FASTKD5: variants seen among roughly 807,000 people sequenced by gnomAD.
FASTKD5 encodes the protein FAST kinase domains 5.
Under a neutral mutation model 44.0 loss-of-function variants are expected in FASTKD5, and 30 were observed. The observed-to-expected ratio is 0.68, with a 90% CI of 0.51 to 0.93. The LOEUF is 0.93. Ranked by LOEUF, FASTKD5 falls within the 40% of genes least tolerant of loss-of-function variation. The pLI is 0.00. For synonymous variants in FASTKD5, 335 were observed against 342.2 expected (o/e 0.98, Z 0.23); for missense variants, 868 against 908.2 (o/e 0.96, Z 0.57).
Position 3,149,613 on chromosome 20 carries a change from A to G in FASTKD5, c.-190-353T>C, listed in dbSNP as rs1248358885. Among the ~76,000 whole-genome samples, 1 of 152,220 alleles carries G rather than the reference A, an allele frequency of 6.6e-6. No homozygotes were observed. Among genetic ancestry groups the G allele is most frequent in the African/African-American group, 2.4e-5 (1 of 41,444 alleles). Reference sequence around the variant, plus strand: ...AGAAAGAAGGCTGGGAACAAAAGTGAGCAACTCCTTCCATCTCTTTGATAT... The same window carrying G: ...AGAAAGAAGGCTGGGAACAAAAGTGGGCAACTCCTTCCATCTCTTTGATAT... On this transcript the variant is annotated intron_variant, in intron 1 of 1. Coordinates refer to ENST00000380266, the MANE Select transcript of FASTKD5 (RefSeq NM_021826.5). This position sits in a 1 kb window ranked among gnomAD's most constrained non-coding sequence, Gnocchi z 4.1.
intron 1 of FASTKD5, chr20:3,150,838 C>CA (rs1236508011): frequency 1.3e-5 from 2 of 152,342 alleles, no homozygotes; most frequent in East Asian, 3.9e-4. Flanking sequence ...AGAATTCTCT[C>CA]ACATTAAATT....
At chr20:3,157,236 G>A (rs764542407) in intron 1 of FASTKD5, among the ~76,000 whole-genome samples, 7 of 152,144 alleles carry the variant, frequency 4.6e-5, no homozygotes, top group Non-Finnish European at 7.3e-5. Flanking sequence ...ATGTTAACTG[G>A]GCTAGACTCT....
At chr20:3,150,669 C>T (rs1319166429) in intron 1 of FASTKD5, 1 of 152,200 alleles carries the variant, frequency 6.6e-6, no homozygotes, top group African/African-American at 2.4e-5. Flanking sequence ...GCCTGCCTAA[C>T]TCTGCTGTCA....
chr20:3,154,400 G>A (rs1466784026), intron 1 of FASTKD5, among the ~76,000 whole-genome samples: 1 of 152,222 alleles, frequency 6.6e-6, no homozygotes, highest in African/African-American at 2.4e-5. Context: ...TGTTACCACA[G>A]GCAGGATGCA....
At chr20:3,159,008 C>G (rs2066718508) in intron 1 of FASTKD5, among the ~76,000 whole-genome samples, 3 of 152,154 alleles carry the variant, frequency 2.0e-5, no homozygotes, top group Admixed American at 6.5e-5. Context: ...AAGCACTGTC[C>G]AAGGGTCTGA....
chr20:3,153,205 G>A (rs565315138), intron 1 of FASTKD5, among the ~76,000 whole-genome samples: 4 of 152,154 alleles, frequency 2.6e-5, no homozygotes, highest in South Asian at 4.2e-4. Context: ...ATTACTATAC[G>A]TGGTCTGGAA....
At position 3,148,246 on chromosome 20, in the gene FASTKD5, A is replaced by T. The variant is rs747564436; in HGVS notation, c.825T>A (p.Asp275Glu). 2 of 1,613,394 alleles carry T rather than the reference A, an allele frequency of 1.2e-6. No homozygotes were observed. The highest frequency in any genetic ancestry group is 3.3e-5 in the Admixed American group (2 of 59,858). ...AGTGAACTAGCTGAGACAAGGATAG[A>T]TCCTTCCAGTGCAAATTAAGATAAC... ...FSSYLNLHWK[D>E]LSLSQLVHLI... Residue 275 changes from aspartate to glutamate, a missense_variant, in exon 2 of 2, where the codon GAT becomes GAA. Asp to Glu is a conservative substitution (Grantham distance 45, BLOSUM62 2). Coordinates refer to ENST00000380266, the MANE Select transcript of FASTKD5 (RefSeq NM_021826.5).
intron 1 of FASTKD5, chr20:3,151,893 T>A (rs1330437280): frequency 6.6e-6 from 1 of 150,444 alleles, no homozygotes; most frequent in Non-Finnish European, 1.5e-5. Context: ...TCACTTGAGG[T>A]CAGGAGTTCG....
chr20:3,150,295 G>A (rs972936547), intron 1 of FASTKD5, among the ~76,000 whole-genome samples: 2 of 152,098 alleles, frequency 1.3e-5, no homozygotes, highest in South Asian at 2.1e-4. Context: ...GTCACTTCAC[G>A]GGTGGGAAGC....
At chr20:3,159,378 C>T (rs564790614) in intron 1 of FASTKD5, among the ~76,000 whole-genome samples, 1 of 152,310 alleles carries the variant, frequency 6.6e-6, no homozygotes, top group Admixed American at 6.5e-5. Context: ...CAGAACCCAC[C>T]CCAGTCCTAC....
At position 3,147,389 on chromosome 20, in the gene FASTKD5, T is replaced by G. The variant is rs373583413; in HGVS notation, c.1682A>C (p.Glu561Ala). Residue 561 changes from glutamate to alanine, a missense_variant, in exon 2 of 2, where the codon GAA (glutamate) becomes GCA (alanine). Transcript: ENST00000380266. ...CATGGTCTCCAGTAAAAAGACAGTT[T>G]CTAAGAATTCAGGCTTTGAATTCAT... ...KDMNSKPEFLETVFLLETMLG... is the reference protein window; with the variant it reads ...KDMNSKPEFLATVFLLETMLG... The G allele has an allele frequency of 9.3e-6, 15 of 1,614,110 alleles. No individual in the cohort carries two copies.
intron 1 of FASTKD5, among the ~76,000 whole-genome samples, chr20:3,159,055 G>C (rs528457014): frequency 1.3e-5 from 2 of 152,310 alleles, no homozygotes; most frequent in East Asian, 3.9e-4. Context: ...GAACACAGCT[G>C]ATATGAGGGG....
At position 3,147,391 on chromosome 20, in the gene FASTKD5, T is replaced by A; in HGVS notation, c.1680A>T (p.Leu560Phe). ...EKDMNSKPEF[L>F]ETVFLLETML... ...TGGTCTCCAGTAAAAAGACAGTTTC[T>A]AAGAATTCAGGCTTTGAATTCATAT... is the stretch of plus-strand genomic sequence containing the variant. Residue 560 changes from leucine (L) to phenylalanine (F), a missense_variant, in exon 2 of 2, where the codon TTA (leucine) becomes TTT (phenylalanine). Coordinates refer to ENST00000380266, the MANE Select transcript of FASTKD5 (RefSeq NM_021826.5). 6.2e-7 allele frequency: 1 copy of A among 1,614,232 alleles called. No homozygotes were observed. Among genetic ancestry groups the A allele is most frequent in the South Asian group, 1.1e-5 (1 of 91,090 alleles).
chr20:3,155,439 G>T (rs557753439), intron 1 of FASTKD5, among the ~76,000 whole-genome samples: 2 of 152,122 alleles, frequency 1.3e-5, no homozygotes, highest in African/African-American at 4.8e-5. Flanking sequence ...GCCGAGGCAG[G>T]AGAATCACTT....
intron 1 of FASTKD5, chr20:3,151,660 A>C (rs1049971664): frequency 3.3e-5 from 5 of 151,760 alleles, no homozygotes; most frequent in African/African-American, 7.2e-5. Context: ...AAAAATAAAA[A>C]ATTTTAATTA....
At position 3,147,890 on chromosome 20, in the gene FASTKD5, A is replaced by G. The variant is rs754914937; in HGVS notation, c.1181T>C (p.Met394Thr). The G allele has an allele frequency of 6.2e-6, 10 of 1,614,242 alleles. No homozygotes were observed. The highest frequency in any genetic ancestry group is 1.7e-5 in the Admixed American group (1 of 60,026). The change falls in exon 2 of 2, where the codon ATG (methionine) becomes ACG (threonine). Residue 394 changes from methionine (M) to threonine (T), a missense_variant. Transcript: ENST00000380266. ...GGCCGAGCAGTAAAGAGTCAGGTGC[A>G]TGACACCTTGAACTCCCAGGGAAGG... ...RIPSLGVQGVMHLTLYCSALR... is the reference protein window; with the variant it reads ...RIPSLGVQGVTHLTLYCSALR...
In FASTKD5 at chr20:3,149,109, A is replaced by T. The variant is rs757345675; in HGVS notation, c.-39T>A. On this transcript the variant is annotated 5_prime_UTR_variant, in exon 2 of 2. Transcript: ENST00000380266. The surrounding 1 kb of genome is among the most constrained non-coding windows in gnomAD (Gnocchi z 4.1). ...TTGATCTCTTTGGCAGTCAGAATAC[A>T]GTCCTCACAGATTTGACCAGGCAAT... 1.9e-6 allele frequency: 3 copies of T among 1,562,960 alleles called. No homozygotes were observed. The highest frequency in any genetic ancestry group is 1.4e-5 in the African/African-American group (1 of 73,508).
Position 3,157,018 on chromosome 20 carries a change from T to C in FASTKD5, c.-191+2748A>G, listed in dbSNP as rs555358887. On this transcript the variant is annotated intron_variant, in intron 1 of 1. Transcript: ENST00000380266. ...GGCTCATGACCATAATCCCAGCACT[T>C]TGGAAGGCCGAGCAGGCAGATCACG... Among the ~76,000 whole-genome samples the C allele has an allele frequency of 3.3e-5, 5 of 152,138 alleles. No individual in the cohort carries two copies. In the South Asian group the frequency reaches 8.3e-4, roughly 25 times the overall value.
intron 1 of FASTKD5, 108 bp downstream of exon 1, chr20:3,159,658 T>G (rs4815570): frequency 0.82 from 124,899 of 152,362 alleles, 51,877 homozygotes; most frequent in East Asian, 1. Flanking sequence ...CTCGATGCGC[T>G]CCAGCTCTGG....
Sources: allele counts gnomAD v4.1 joint callset (sites outside exome capture counted in the v4.1 genomes callset), GRCh38; gene constraint gnomAD v4.1.1; non-coding constraint Gnocchi (gnomAD v3.1); transcripts MANE v1.5; gene names NCBI Gene and HGNC (gene_info 2026-07-23, HGNC 2026-07-21).